The following INPP4B variants were observed in gnomAD, a reference collection of about 807,000 sequenced individuals.
INPP4B encodes the protein inositol polyphosphate-4-phosphatase type II B, also known as inositol polyphosphate 4-phosphatase type II.
Under a neutral mutation model 122.5 loss-of-function variants are expected in INPP4B, and 55 were observed. The ratio of observed to expected loss-of-function variants is 0.45; its 90% CI spans 0.36 to 0.56. The LOEUF is 0.56. INPP4B is among the 20% of genes least tolerant of loss of function. INPP4B has a pLI of 0.00. For synonymous variants in INPP4B, 403 were observed against 388.7 expected, an observed-to-expected ratio of 1.04 and a Z score of -0.43; for missense variants, 1,000 against 1,097.7, an observed-to-expected ratio of 0.91 and a Z score of 1.26.
chr4:142,423,880 A>G, intron 5 of INPP4B: 1 of 395,960 alleles, frequency 2.5e-6, no homozygotes, highest in Admixed American at 3.4e-5. Context: ...AAGGATCAGG[A>G]TGTAGATTAA....
chr4:142,730,046 C>T (rs1765858330), intron 1 of INPP4B, among the ~76,000 whole-genome samples: 1 of 152,014 alleles, frequency 6.6e-6, no homozygotes, highest in Non-Finnish European at 1.5e-5. Flanking sequence ...CTTTCTAGTT[C>T]TGAGGGGGAA....
chr4:142,245,041 T>C (rs1727217925), intron 11 of INPP4B, among the ~76,000 whole-genome samples: 1 of 152,228 alleles, frequency 6.6e-6, no homozygotes. Context: ...GAAGTGTCTG[T>C]TCATATTCTT....
At chr4:142,687,819 G>T (rs547279652) in intron 2 of INPP4B, among the ~76,000 whole-genome samples, 1 of 152,106 alleles carries the variant, frequency 6.6e-6, no homozygotes, top group Non-Finnish European at 1.5e-5. Context: ...ACGCCTACCC[G>T]GGATCCAAAC....
At chr4:142,312,965 C>G (rs1339800734) in intron 8 of INPP4B, among the ~76,000 whole-genome samples, 2 of 152,134 alleles carry the variant, frequency 1.3e-5, no homozygotes, top group Non-Finnish European at 2.9e-5. Flanking sequence ...CTCTGTCTCC[C>G]TACTCCTTCC....
chr4:142,382,524 T>C (rs187301837), intron 7 of INPP4B, among the ~76,000 whole-genome samples: 9 of 147,410 alleles, frequency 6.1e-5, no homozygotes, highest in Middle Eastern at 7.2e-3. Flanking sequence ...ACAAAAAACA[T>C]ACATACACAT....
At position 142,781,327 on chromosome 4, in the gene INPP4B, A is replaced by T. The variant is rs559800789; in HGVS notation, c.-253-55426T>A. On this transcript the variant is annotated intron_variant, in intron 1 of 25. Transcript: ENST00000262992. ...CTGATGAGTCATCTTTCAAGTGTCG[A>T]TCCTATTTCCATAGGGAGGGCTCAC... is the stretch of plus-strand genomic sequence containing the variant. Among the ~76,000 whole-genome samples, 8 of 152,270 alleles carry T rather than the reference A, an allele frequency of 5.3e-5. No individual in the cohort carries two copies. The South Asian group carries it at 1.7e-3, about 32-fold the overall frequency.
intron 9 of INPP4B, among the ~76,000 whole-genome samples, chr4:142,271,023 G>T (rs1335560537): frequency 6.6e-6 from 1 of 151,574 alleles, no homozygotes. Context: ...GAGTGTAATG[G>T]CGTGATCTCA....
chr4:142,816,025 C>T (rs2151137189), intron 1 of INPP4B, among the ~76,000 whole-genome samples: 1 of 152,132 alleles, frequency 6.6e-6, no homozygotes, highest in South Asian at 2.1e-4. Context: ...AATGTGTGTC[C>T]CCACCAGTGT....
intron 18 of INPP4B, among the ~76,000 whole-genome samples, chr4:142,133,536 G>C (rs1802398436): frequency 6.6e-6 from 1 of 152,096 alleles, no homozygotes; most frequent in African/African-American, 2.4e-5. Context: ...CAACAGCCTA[G>C]GTGTTAATAT....
At chr4:142,814,744 C>T (rs1276710703) in intron 1 of INPP4B, among the ~76,000 whole-genome samples, 1 of 151,982 alleles carries the variant, frequency 6.6e-6, no homozygotes, top group Non-Finnish European at 1.5e-5. Flanking sequence ...ATCCATGAGT[C>T]CATAGTGATA....
intron 11 of INPP4B, among the ~76,000 whole-genome samples, chr4:142,247,347 G>C (rs1729420651): frequency 1.3e-5 from 2 of 152,058 alleles, no homozygotes; most frequent in Non-Finnish European, 2.9e-5. Flanking sequence ...TCTATTGTTT[G>C]GAATCGTTTC....
chr4:142,706,570 C>A (rs547788850), intron 2 of INPP4B, among the ~76,000 whole-genome samples: 344 of 152,302 alleles, frequency 2.3e-3, no homozygotes, highest in Middle Eastern at 0.017. Context: ...GAGCTGATGA[C>A]CTGACATTAA....
chr4:142,193,072 C>A lies in INPP4B; in HGVS notation c.1181+15G>T. The A allele has an allele frequency of 1.4e-6, 2 of 1,467,582 alleles. No individual in the cohort carries two copies. The highest frequency in any genetic ancestry group is 1.9e-6 in the Non-Finnish European group (2 of 1,046,722). The allele number at this position is 1,467,582 out of a possible 1,614,324, so 90.9% of individuals were successfully genotyped here. On this transcript the variant is annotated intron_variant, in intron 15 of 25. Coordinates refer to ENST00000262992, the MANE Select transcript of INPP4B (RefSeq NM_001101669.3). Reference sequence around the variant, plus strand: ...TTATTAATGGAATCTGTGCTTTCCTCCTGTCTTTACTTACTTTCTTCTTTC... The same window carrying A: ...TTATTAATGGAATCTGTGCTTTCCTACTGTCTTTACTTACTTTCTTCTTTC...
At chr4:142,134,216 G>C (rs1802807891) in intron 18 of INPP4B, among the ~76,000 whole-genome samples, 1 of 152,078 alleles carries the variant, frequency 6.6e-6, no homozygotes, top group East Asian at 1.9e-4. Context: ...TAAAACTTTG[G>C]AACTGGAAGA....
intron 12 of INPP4B, among the ~76,000 whole-genome samples, chr4:142,217,527 G>T (rs919802762): frequency 2.6e-5 from 4 of 152,142 alleles, no homozygotes; most frequent in Middle Eastern, 3.4e-3. Context: ...GACATGGTTC[G>T]GTCTTCTACC....
intron 9 of INPP4B, 124 bp from the exon 10 acceptor site, chr4:142,270,898 T>C (rs1745451404): frequency 1.5e-6 from 1 of 666,620 alleles, no homozygotes; most frequent in South Asian, 1.7e-5. Context: ...AACATCTGCA[T>C]AAAACACAGC....
intron 17 of INPP4B, among the ~76,000 whole-genome samples, chr4:142,154,065 T>G (rs1319830551): frequency 6.6e-6 from 1 of 152,148 alleles, no homozygotes; most frequent in African/African-American, 2.4e-5. Flanking sequence ...ATAGAACACA[T>G]TCAGTTGCCA....
At chr4:142,769,418 G>A (rs1458746799) in intron 1 of INPP4B, among the ~76,000 whole-genome samples, 6 of 152,098 alleles carry the variant, frequency 3.9e-5, no homozygotes, top group Admixed American at 6.6e-5. Flanking sequence ...GTACACCTGC[G>A]ATATTTTAGT....
At chr4:142,283,689 T>G (rs58600743) in intron 9 of INPP4B, among the ~76,000 whole-genome samples, 2,682 of 152,236 alleles carry the variant, frequency 0.018, 85 homozygotes, top group African/African-American at 0.06. Context: ...AAATATGGTG[T>G]TATAATCTTA....
Sources: gnomAD v4.1 joint callset for allele counts (sites outside exome capture counted in the v4.1 genomes callset) on GRCh38, gnomAD v4.1.1 for gene constraint, MANE v1.5 for transcripts, NCBI Gene and HGNC (gene_info 2026-07-23, HGNC 2026-07-21) for gene names.